HEATR9: variants seen among roughly 807,000 people sequenced by gnomAD.
HEATR9 encodes the protein protein HEATR9.
HEATR9 carries 54 observed loss-of-function variants against 68.2 expected under a neutral mutation model. That is an observed-to-expected ratio of 0.79 (90% CI 0.64 to 0.99). The LOEUF is 0.99. HEATR9 is among the 50% of genes least tolerant of loss of function. The probability of loss-of-function intolerance (pLI) is 0.00; values close to 1 mark genes in which losing one functional copy is unlikely to be tolerated. For synonymous variants in HEATR9, 241 were observed against 253.5 expected (o/e 0.95, Z 0.47); for missense variants, 662 against 679.7 (o/e 0.97, Z 0.29).
chr17:35,860,997 G>A, intron 8 of HEATR9: 1 of 597,998 alleles, frequency 1.7e-6, no homozygotes, highest in Non-Finnish European at 3.1e-6. Context: ...AGTGAGCCGA[G>A]ATCATGCCAC....
intron 2 of HEATR9, 62 bp from the exon 3 acceptor site, chr17:35,865,458 T>A: frequency 7.6e-7 from 1 of 1,319,878 alleles, no homozygotes; most frequent in Non-Finnish European, 1.1e-6. Flanking sequence ...TGTGAGGGTA[T>A]GGGGAGGAGG....
At position 35,856,187 on chromosome 17, in the gene HEATR9, C is replaced by T. The variant is rs1161041119; in HGVS notation, c.1264G>A (p.Ala422Thr). The change falls in exon 13 of 15, where the codon GCA (alanine) becomes ACA (threonine). Residue 422 changes from alanine to threonine, a missense_variant. Transcript: ENST00000604834. ...MNPDATARQE[A>T]VISLGVLGIR... ...GCCTGCCTTACCAAAGAGATGACTG[C>T]TTCCTGGCGTGCAGTGGCATCTGGG... 1.9e-6 allele frequency: 3 copies of T among 1,614,024 alleles called. No individual in the cohort carries two copies. Among genetic ancestry groups the T allele is most frequent in the Non-Finnish European group, 2.5e-6 (3 of 1,180,008 alleles).
At chr17:35,861,656 C>T in intron 8 of HEATR9, 1 of 580,406 alleles carries the variant, frequency 1.7e-6, no homozygotes, top group Non-Finnish European at 3.1e-6. Flanking sequence ...AATGTCTTCT[C>T]TCAGATATCT....
intron 11 of HEATR9, among the ~76,000 whole-genome samples, chr17:35,857,380 C>T (rs1184592830): frequency 6.6e-6 from 1 of 152,088 alleles, no homozygotes; most frequent in African/African-American, 2.4e-5. Context: ...CAGCATAAGC[C>T]ATCCACAGGG....
intron 6 of HEATR9, 46 bp downstream of exon 6, chr17:35,864,200 G>GA: frequency 6.6e-7 from 1 of 1,526,426 alleles, no homozygotes; most frequent in South Asian, 1.1e-5. Context: ...ACACATCTCA[G>GA]ACCCTGTTTC....
intron 8 of HEATR9, among the ~76,000 whole-genome samples, chr17:35,861,830 C>T (rs1217780104): frequency 6.6e-6 from 1 of 151,872 alleles, no homozygotes; most frequent in African/African-American, 2.4e-5. Context: ...GTACCTGTCA[C>T]CTCTAACATA....
Position 35,865,361 on chromosome 17 carries a change from G to C in HEATR9, c.174C>G (p.Cys58Trp). 6.2e-7 allele frequency: 1 copy of C among 1,613,780 alleles called. No individual in the cohort carries two copies. Among genetic ancestry groups the C allele is most frequent in the East Asian group, 2.2e-5 (1 of 44,870 alleles). ...PKEEFPPSPE[C>W]WRQHPSKPNS... The stretch of plus-strand genomic sequence containing the variant: ...TTGGCTTGCTCGGATGCTGCCTCCA[G>C]CACTCTGGACTTGGGGGAAACTCTT... The change falls in exon 3 of 15, where the codon TGC (cysteine) becomes TGG (tryptophan). Residue 58 changes from cysteine to tryptophan, a missense_variant. Physicochemically the swap from Cys to Trp is radical, Grantham distance 215. Coordinates refer to ENST00000604834, the MANE Select transcript of HEATR9 (RefSeq NM_152781.4).
At chr17:35,861,956 T>TGC (rs1408275205) in intron 8 of HEATR9, among the ~76,000 whole-genome samples, 1 of 152,152 alleles carries the variant, frequency 6.6e-6, no homozygotes, top group East Asian at 1.9e-4. Context: ...CCTCCTGGGT[T>TGC]CAAGCATTTC....
rs752412299 is a variant in HEATR9 at position 35,868,751 on chromosome 17, C to G, written c.-9G>C. ...GATTTTTCATAGGCCATCTTCTTCTCCTGGTGGGGCCAGAGGGAACCTGCA... is the reference window on the plus strand; with the variant it reads ...GATTTTTCATAGGCCATCTTCTTCTGCTGGTGGGGCCAGAGGGAACCTGCA... On this transcript the variant is annotated 5_prime_UTR_variant, in exon 1 of 15. Coordinates refer to ENST00000604834, the MANE Select transcript of HEATR9 (RefSeq NM_152781.4). 1.2e-6 allele frequency: 2 copies of G among 1,612,690 alleles called. No individual in the cohort carries two copies. The highest frequency in any genetic ancestry group is 2.2e-5 in the South Asian group (2 of 91,074).
chr17:35,860,129 G>A (rs1407439755), intron 8 of HEATR9, among the ~76,000 whole-genome samples: 1 of 151,996 alleles, frequency 6.6e-6, no homozygotes, highest in African/African-American at 2.4e-5. Context: ...GGGCACGGTG[G>A]CTTACGCCTG....
At chr17:35,864,440 T>G in intron 5 of HEATR9, 57 bp downstream of exon 5, 1 of 1,592,226 alleles carries the variant, frequency 6.3e-7, no homozygotes, top group African/African-American at 1.3e-5. Flanking sequence ...CTTTTTACTT[T>G]CCAGCTTGGC....
chr17:35,857,945 G>A (rs903543914), intron 11 of HEATR9, among the ~76,000 whole-genome samples: 2 of 152,014 alleles, frequency 1.3e-5, no homozygotes, highest in African/African-American at 2.4e-5. Flanking sequence ...AAGGGGAGAC[G>A]GATTACTTAC....
intron 8 of HEATR9, among the ~76,000 whole-genome samples, chr17:35,860,475 TTTATTTTA>T (rs2087944907): frequency 9.3e-6 from 1 of 107,666 alleles, no homozygotes; most frequent in Admixed American, 9.6e-5. Flanking sequence ...TATTTATTTA[TTTATTTTA>T]TTTATTTATT....
chr17:35,862,875 A>T lies in HEATR9; in HGVS notation c.756+120T>A, dbSNP rs1272516698. ...CAACTCCCGAGGGAACTCCTCAAGG[A>T]CAGTGTCTTCCTCTATCAAAGCTGT... is the stretch of plus-strand genomic sequence containing the variant. On this transcript the variant is annotated intron_variant, in intron 8 of 14. Transcript: ENST00000604834. The T allele has an allele frequency of 2.8e-6, 4 of 1,415,528 alleles. No homozygotes were observed. The African/African-American group carries it at 5.7e-5, about 20-fold the overall frequency. 87.7% of individuals were successfully genotyped at this position (1,415,528 alleles called of 1,614,324 possible). A position where few individuals can be genotyped will look rare whatever the true frequency, so the allele number is the denominator to read the frequency against.
At chr17:35,866,616 A>G (rs1235925490) in intron 2 of HEATR9, 108 bp downstream of exon 2, 2 of 1,035,426 alleles carry the variant, frequency 1.9e-6, no homozygotes, top group Non-Finnish European at 3.0e-6. Context: ...TGGCAGCCCC[A>G]GGGGTAAATG....
chr17:35,855,188 G>C lies in HEATR9; in HGVS notation c.1588C>G (p.Gln530Glu). The part of the protein sequence containing the change: ...FIAKSITKVG[Q>E]KKTPAFPPCC... ...GGTGGGAAAGCAGGCGTTTTCTTTTGGCCTACTTTGGTGATGGACTTTGCA... is the reference window on the plus strand; with the variant it reads ...GGTGGGAAAGCAGGCGTTTTCTTTTCGCCTACTTTGGTGATGGACTTTGCA... Residue 530 changes from glutamine (Q) to glutamate (E), a missense_variant, in exon 15 of 15, where the codon CAA (glutamine) becomes GAA (glutamate). Transcript: ENST00000604834. 6.2e-7 allele frequency: 1 copy of C among 1,613,816 alleles called. No individual in the cohort carries two copies.
intron 1 of HEATR9, among the ~76,000 whole-genome samples, chr17:35,867,076 C>A (rs2088222981): frequency 6.8e-6 from 1 of 146,916 alleles, no homozygotes; most frequent in African/African-American, 2.6e-5. Context: ...ATGGTGAAAC[C>A]CCGTCTCCAC....
At chr17:35,859,465 C>T (rs1371967368) in intron 8 of HEATR9, among the ~76,000 whole-genome samples, 1 of 152,136 alleles carries the variant, frequency 6.6e-6, no homozygotes, top group African/African-American at 2.4e-5. Flanking sequence ...ACTCTCTGAC[C>T]ATCACCTCTT....
chr17:35,856,089 A>T, intron 13 of HEATR9, 84 bp downstream of exon 13: 1 of 1,423,686 alleles, frequency 7.0e-7, no homozygotes, highest in Admixed American at 1.7e-5. Flanking sequence ...ACAGGCCTTT[A>T]TTCCCCTCAG....
Sources: allele counts gnomAD v4.1 joint callset (sites outside exome capture counted in the v4.1 genomes callset), GRCh38; gene constraint gnomAD v4.1.1; transcripts MANE v1.5; gene names NCBI Gene and HGNC (gene_info 2026-07-23, HGNC 2026-07-21).